The following PRKCZ variants were observed in gnomAD, a reference collection of about 807,000 sequenced individuals.
PRKCZ encodes the protein protein kinase C zeta type.
A neutral mutation model predicts 79.5 loss-of-function variants in PRKCZ; 33 were observed. The observed-to-expected ratio is 0.41, with a 90% CI of 0.31 to 0.55. The LOEUF (loss-of-function observed/expected upper bound fraction) is 0.55. PRKCZ is among the 20% of genes least tolerant of loss of function. The pLI, the probability that PRKCZ is intolerant of heterozygous loss-of-function variation, is 0.19. For missense variants in PRKCZ, 578 were observed against 813.5 expected, an observed-to-expected ratio of 0.71 and a Z score of 3.52; for synonymous variants, 342 against 320.9, an observed-to-expected ratio of 1.07 and a Z score of -0.70.
In PRKCZ at chr1:2,052,171, A is replaced by T. The variant is rs540283783; in HGVS notation, c.71+1470A>T. Among the ~76,000 whole-genome samples, 3 of 152,174 alleles carry T rather than the reference A, an allele frequency of 2.0e-5. No homozygotes were observed. The East Asian group carries it at 5.8e-4, about 30-fold the overall frequency. On this transcript the variant is annotated intron_variant, in intron 1 of 17. Coordinates refer to ENST00000378567, the MANE Select transcript of PRKCZ (RefSeq NM_002744.6). Reference sequence around the variant, plus strand: ...GGAGTCCTGCGAGAGGGAGGTCCACACCCGAGGGGCTGCAGGGGCCCAGAC... The same window carrying T: ...GGAGTCCTGCGAGAGGGAGGTCCACTCCCGAGGGGCTGCAGGGGCCCAGAC...
intron 4 of PRKCZ, among the ~76,000 whole-genome samples, chr1:2,072,618 C>T (rs530136423): frequency 3.3e-5 from 5 of 152,166 alleles, no homozygotes; most frequent in South Asian, 2.1e-4. Context: ...ACTGGGGGCC[C>T]GTGTAGGAGG....
chr1:2,137,055 G>C (rs1162149642), intron 5 of PRKCZ, among the ~76,000 whole-genome samples: 1 of 152,118 alleles, frequency 6.6e-6, no homozygotes, highest in East Asian at 1.9e-4. Flanking sequence ...GGCTCACTCC[G>C]AGTCCAAAAG....
chr1:2,064,115 G>A (rs906932546), intron 4 of PRKCZ, among the ~76,000 whole-genome samples: 10 of 152,204 alleles, frequency 6.6e-5, no homozygotes, highest in Admixed American at 3.9e-4. Flanking sequence ...CCAAAATGCT[G>A]GGATTATAGG....
intron 4 of PRKCZ, among the ~76,000 whole-genome samples, chr1:2,131,917 T>C (rs1675043291): frequency 6.6e-6 from 1 of 152,222 alleles, no homozygotes; most frequent in Admixed American, 6.5e-5. Flanking sequence ...GTTCACGCCA[T>C]TCTCCTGCCT....
At chr1:2,181,601 AGAG>A (rs1260237014) in intron 16 of PRKCZ, among the ~76,000 whole-genome samples, 1 of 152,190 alleles carries the variant, frequency 6.6e-6, no homozygotes, top group Admixed American at 6.5e-5. Context: ...CTTTTGAGCA[AGAG>A]GAGGAGGTAA....
At chr1:2,148,476 A>G (rs760002671) in intron 7 of PRKCZ, among the ~76,000 whole-genome samples, 19 of 151,800 alleles carry the variant, frequency 1.3e-4, no homozygotes, top group Non-Finnish European at 2.1e-4. Context: ...CTATCCATCC[A>G]TTGTGCACTG....
intron 4 of PRKCZ, chr1:2,116,450 G>A (rs1045233417): frequency 1.3e-5 from 2 of 152,190 alleles, no homozygotes; most frequent in African/African-American, 4.8e-5. Context: ...TTGGTTCCTG[G>A]GGGCTGTGTG....
At chr1:2,120,784 T>A (rs1671733266) in intron 4 of PRKCZ, among the ~76,000 whole-genome samples, 1 of 152,162 alleles carries the variant, frequency 6.6e-6, no homozygotes, top group South Asian at 2.1e-4. Flanking sequence ...AATCTACCCT[T>A]TAAATTATTA....
upstream of PRKCZ, among the ~76,000 whole-genome samples, chr1:2,048,775 C>T (rs77844314): frequency 3.2e-3 from 492 of 152,194 alleles, 14 homozygotes; most frequent in East Asian, 0.046. Flanking sequence ...AGCTGCAGAC[C>T]AGGAGGGCGA....
chr1:2,164,496 T>C (rs1413431951), intron 10 of PRKCZ, among the ~76,000 whole-genome samples: 2 of 151,994 alleles, frequency 1.3e-5, no homozygotes, highest in Non-Finnish European at 2.9e-5. Flanking sequence ...GGCAGTTGCA[T>C]AGGGTGGGTG....
At chr1:2,068,670 T>A (rs555389905) in intron 4 of PRKCZ, among the ~76,000 whole-genome samples, 1 of 152,242 alleles carries the variant, frequency 6.6e-6, no homozygotes, top group Non-Finnish European at 1.5e-5. Context: ...CACAGTTGAC[T>A]ACATCAAGGT....
At chr1:2,053,261 C>T (rs993960079) in intron 1 of PRKCZ, among the ~76,000 whole-genome samples, 8 of 152,260 alleles carry the variant, frequency 5.3e-5, no homozygotes, top group Non-Finnish European at 7.4e-5. Flanking sequence ...CCACCACGCC[C>T]GGTTAACTTT....
rs1679499082 is a variant in PRKCZ, at chr1:2,149,929, C to T, written c.688-861C>T. ...ATCCCAGCACTTTGGGAAGCTGAGG[C>T]GGGCAGATCACGAGGTCAGGAGATG... On this transcript the variant is annotated intron_variant, in intron 8 of 17. Transcript: ENST00000378567. This position sits in a 1 kb window ranked among gnomAD's most constrained non-coding sequence, Gnocchi z 4.1. 6.6e-6 allele frequency among the ~76,000 whole-genome samples: 1 copy of T among 150,966 alleles called. No homozygotes were observed. The highest frequency in any genetic ancestry group is 2.1e-4 in the South Asian group (1 of 4,786).
Position 2,082,761 on chromosome 1 carries a change from G to A in PRKCZ, c.334+23170G>A, listed in dbSNP as rs879373019. On this transcript the variant is annotated intron_variant, in intron 4 of 17. Coordinates refer to ENST00000378567, the MANE Select transcript of PRKCZ (RefSeq NM_002744.6). The surrounding 1 kb of genome is among the most constrained non-coding windows in gnomAD (Gnocchi z 4.4). ...CATTTGTTTTTTTGCCTGAGCGTCC[G>A]GGGGTGGCTTTGAGGACACCTGTCC... is the stretch of plus-strand genomic sequence containing the variant. Among the ~76,000 whole-genome samples the A allele has an allele frequency of 1.4e-4, 21 of 146,672 alleles. 1 individual carries two copies. The highest frequency in any genetic ancestry group is 4.4e-4 in the African/African-American group (18 of 40,582).
At chr1:2,115,094 G>C (rs573176373) in intron 4 of PRKCZ, among the ~76,000 whole-genome samples, 3 of 152,256 alleles carry the variant, frequency 2.0e-5, no homozygotes, top group African/African-American at 7.2e-5. Context: ...CGGCCTTGGT[G>C]CCTGCAGATA....
chr1:2,083,758 T>G (rs1664007878), intron 4 of PRKCZ, among the ~76,000 whole-genome samples: 1 of 152,210 alleles, frequency 6.6e-6, no homozygotes, highest in Non-Finnish European at 1.5e-5. Context: ...GCTTTTCCTC[T>G]GGTAAACGTG....
At position 2,178,207 on chromosome 1, in the gene PRKCZ, C is replaced by T. The variant is rs1175792030; in HGVS notation, c.1575+2894C>T. Among the ~76,000 whole-genome samples the T allele has an allele frequency of 6.6e-6, 1 of 152,248 alleles. No homozygotes were observed. The highest frequency in any genetic ancestry group is 2.4e-5 in the African/African-American group (1 of 41,458). ...AGAAGACCCGAACCCACTCCAGCCT[C>T]TCCCCACACCCTGCAGTGGCTGCTC... On this transcript the variant is annotated intron_variant, in intron 16 of 17. Transcript: ENST00000378567. The surrounding 1 kb of genome is among the most constrained non-coding windows in gnomAD (Gnocchi z 4.3).
intron 10 of PRKCZ, among the ~76,000 whole-genome samples, chr1:2,162,883 T>A (rs1682593458): frequency 6.6e-6 from 1 of 151,638 alleles, no homozygotes; most frequent in Non-Finnish European, 1.5e-5. Flanking sequence ...GGCTTCTGAG[T>A]TCTCTTCCTT....
intron 3 of PRKCZ, among the ~76,000 whole-genome samples, chr1:2,056,990 A>G (rs1318125076): frequency 6.6e-6 from 1 of 152,038 alleles, no homozygotes; most frequent in East Asian, 1.9e-4. Context: ...AGCCTCCCAA[A>G]GTGCTGGGAT....
Sources: allele counts gnomAD v4.1 joint callset (sites outside exome capture counted in the v4.1 genomes callset), GRCh38; gene constraint gnomAD v4.1.1; non-coding constraint Gnocchi (gnomAD v3.1); transcripts MANE v1.5; gene names NCBI Gene and HGNC (gene_info 2026-07-23, HGNC 2026-07-21).